The following IMPG1 variants were observed in gnomAD, a reference collection of about 807,000 sequenced individuals.
IMPG1 encodes interphotoreceptor matrix proteoglycan of 150 kDa.
In IMPG1, 85 loss-of-function variants were observed where a neutral mutation model predicts 92.0. The ratio of observed to expected loss-of-function variants is 0.92; its 90% CI spans 0.78 to 1.11. The LOEUF (loss-of-function observed/expected upper bound fraction) is 1.11, where lower values mean the gene tolerates loss of function less well. Ranked by LOEUF, IMPG1 falls within the 50% of genes least tolerant of loss-of-function variation. The pLI, the probability that IMPG1 is intolerant of heterozygous loss-of-function variation, is 0.00. For synonymous variants in IMPG1, 367 were observed against 334.1 expected (o/e 1.10, Z -1.08); for missense variants, 1,022 against 956.0 (o/e 1.07, Z -0.91).
chr6:75,999,275 T>C (rs1782947946), intron 12 of IMPG1, among the ~76,000 whole-genome samples: 1 of 152,350 alleles, frequency 6.6e-6, no homozygotes, highest in East Asian at 1.9e-4. Flanking sequence ...ACCAATTCTT[T>C]TAGTGTCCTA....
intron 14 of IMPG1, 58 bp downstream of exon 14, chr6:75,947,256 A>G: frequency 7.5e-7 from 1 of 1,329,340 alleles, no homozygotes; most frequent in Non-Finnish European, 1.1e-6. Flanking sequence ...TAAAAACAGA[A>G]CGAAATTAAA....
At chr6:76,003,064 C>A (rs534568869) in intron 11 of IMPG1, 68 bp from the exon 12 acceptor site, 2 of 1,114,632 alleles carry the variant, frequency 1.8e-6, no homozygotes, top group South Asian at 2.6e-5. Context: ...AAGGGCTATA[C>A]CCATATTTCA....
chr6:75,934,512 T>C (rs142081041), intron 14 of IMPG1, among the ~76,000 whole-genome samples: 219 of 152,284 alleles, frequency 1.4e-3, no homozygotes, highest in African/African-American at 4.6e-3. Context: ...CACCGTGTGA[T>C]CAAAAAGCAT....
At chr6:75,924,753 T>TA (rs1169750637) in intron 15 of IMPG1, among the ~76,000 whole-genome samples, 1 of 66,846 alleles carries the variant, frequency 1.5e-5, no homozygotes, top group African/African-American at 5.8e-5. Flanking sequence ...ATATATAATA[T>TA]ATCATATAAT....
At chr6:75,935,000 A>G (rs1358150547) in intron 14 of IMPG1, 1 of 471,212 alleles carries the variant, frequency 2.1e-6, no homozygotes. Context: ...TTGCCTATAA[A>G]ATTCAGGCTT....
intron 4 of IMPG1, 59 bp from the exon 5 acceptor site, chr6:76,025,317 G>A: frequency 3.3e-6 from 3 of 904,016 alleles, no homozygotes; most frequent in Middle Eastern, 2.5e-4. Flanking sequence ...TGACAGTAGA[G>A]AACATACATT....
At chr6:75,970,654 G>A (rs137975948) in intron 12 of IMPG1, among the ~76,000 whole-genome samples, 1 of 152,196 alleles carries the variant, frequency 6.6e-6, no homozygotes, top group East Asian at 1.9e-4. Context: ...CTTAAAATTC[G>A]TAATTGCCTT....
rs1219410760 is a variant in IMPG1 at position 75,923,648 on chromosome 6, G to A, written c.2302C>T (p.Gln768Ter). 1.3e-6 allele frequency: 2 copies of A among 1,559,226 alleles called. No homozygotes were observed. Among genetic ancestry groups the A allele is most frequent in the Non-Finnish European group, 1.8e-6 (2 of 1,131,952 alleles). Residue 768 changes from glutamine to a stop codon, truncating the protein, a stop_gained, in exon 16 of 17, where the codon CAA (glutamine) becomes TAA (stop). Coordinates refer to ENST00000369950, the MANE Select transcript of IMPG1 (RefSeq NM_001563.4). LOFTEE classifies it high-confidence loss of function. ...TATGATTTTACCTTGTTATTTTGTT[G>A]ATTTTGGAACTTTTTAACACTAGTT... Reference protein sequence around the residue: ...YKTSVKKFQNQQNNKVISKRN... With the variant: ...YKTSVKKFQN
chr6:76,022,379 A>G (rs755511238), intron 5 of IMPG1, among the ~76,000 whole-genome samples, 160 bp from the exon 6 acceptor site: 2 of 152,060 alleles, frequency 1.3e-5, no homozygotes, highest in Non-Finnish European at 2.9e-5. Context: ...TATGTTCTTG[A>G]AAAAATATGA....
chr6:76,006,588 G>A (rs1376610888), intron 9 of IMPG1, among the ~76,000 whole-genome samples: 1 of 150,066 alleles, frequency 6.7e-6, no homozygotes, highest in Non-Finnish European at 1.5e-5. Context: ...CAAGTCAAAG[G>A]TTCAGTTCTT....
chr6:76,023,990 T>C (rs1783479691), intron 5 of IMPG1, among the ~76,000 whole-genome samples: 1 of 152,154 alleles, frequency 6.6e-6, no homozygotes, highest in African/African-American at 2.4e-5. Flanking sequence ...CCTTTTTGAA[T>C]AAGACTTGAT....
intron 1 of IMPG1, among the ~76,000 whole-genome samples, chr6:76,061,673 T>A (rs1413506747): frequency 2.0e-5 from 3 of 152,228 alleles, no homozygotes; most frequent in African/African-American, 7.2e-5. Flanking sequence ...AAACATTATT[T>A]CCATTTTAGG....
chr6:75,992,835 A>T (rs1249120218), intron 12 of IMPG1, among the ~76,000 whole-genome samples: 1 of 152,128 alleles, frequency 6.6e-6, no homozygotes, highest in Non-Finnish European at 1.5e-5. Context: ...TCTCTTCACG[A>T]AAGTCCTTTA....
intron 4 of IMPG1, among the ~76,000 whole-genome samples, chr6:76,031,305 G>A (rs1783649668): frequency 1.3e-5 from 2 of 152,192 alleles, no homozygotes; most frequent in Non-Finnish European, 1.5e-5. Context: ...TGATGGGAAG[G>A]CCAAGGGTAA....
At chr6:75,942,501 C>T (rs1314224721) in intron 14 of IMPG1, among the ~76,000 whole-genome samples, 1 of 152,182 alleles carries the variant, frequency 6.6e-6, no homozygotes, top group Admixed American at 6.5e-5. Context: ...AAAGTCCACA[C>T]CAGCAATAGA....
intron 12 of IMPG1, among the ~76,000 whole-genome samples, chr6:75,991,108 TA>T (rs947165734): frequency 2.0e-5 from 3 of 152,068 alleles, no homozygotes; most frequent in African/African-American, 7.2e-5. Flanking sequence ...TCACTTTCTG[TA>T]AAAATGGACA....
At chr6:75,965,402 G>A (rs1782290175) in intron 12 of IMPG1, among the ~76,000 whole-genome samples, 1 of 149,784 alleles carries the variant, frequency 6.7e-6, no homozygotes, top group African/African-American at 2.5e-5. Flanking sequence ...TCTGATCAGT[G>A]TTAATGATAT....
intron 4 of IMPG1, among the ~76,000 whole-genome samples, chr6:76,028,993 A>G (rs893798291): frequency 1.3e-5 from 2 of 152,234 alleles, no homozygotes; most frequent in Non-Finnish European, 2.9e-5. Context: ...TTGCAACAAG[A>G]CACAATTGGA....
intron 14 of IMPG1, among the ~76,000 whole-genome samples, chr6:75,942,586 C>T (rs1562341748): frequency 6.6e-6 from 1 of 152,158 alleles, no homozygotes; most frequent in Non-Finnish European, 1.5e-5. Context: ...ACTCCGGATC[C>T]AGGGTCCTGA....
Sources: gnomAD v4.1 joint callset for allele counts (sites outside exome capture counted in the v4.1 genomes callset) on GRCh38, gnomAD v4.1.1 for gene constraint, MANE v1.5 for transcripts, NCBI Gene and HGNC (gene_info 2026-07-23, HGNC 2026-07-21) for gene names.